The following PKD1L3 variants were observed in gnomAD, a reference collection of about 807,000 sequenced individuals.
PKD1L3 encodes polycystin 1 like 3, transient receptor potential channel interacting, also known as polycystin-1-like protein 3.
Under a neutral mutation model 184.1 loss-of-function variants are expected in PKD1L3, and 239 were observed. The ratio of observed to expected loss-of-function variants is 1.30; its 90% CI spans 1.17 to 1.45. The LOEUF (loss-of-function observed/expected upper bound fraction) is 1.45, where lower values mean the gene tolerates loss of function less well. PKD1L3 is among the 40% of genes most tolerant of loss of function. The pLI is 0.00. For missense variants in PKD1L3, 2,660 were observed against 2,067.2 expected (o/e 1.29, Z -5.56); for synonymous variants, 996 against 778.8 (o/e 1.28, Z -4.64).
At chr16:71,996,773 T>C (rs183362734) in intron 2 of PKD1L3, among the ~76,000 whole-genome samples, 2 of 152,250 alleles carry the variant, frequency 1.3e-5, no homozygotes, top group East Asian at 3.9e-4. Context: ...GTTTGTTTCT[T>C]TTTATTACTG....
At chr16:71,974,140 C>T (rs1047951715) in intron 11 of PKD1L3, among the ~76,000 whole-genome samples, 1 of 152,162 alleles carries the variant, frequency 6.6e-6, no homozygotes, top group East Asian at 1.9e-4. Context: ...ACTAAGGTAA[C>T]AAACCCCAGG....
At position 71,977,126 on chromosome 16, in the gene PKD1L3, T is replaced by A. The variant is rs1033321144; in HGVS notation, c.1759+110A>T. On this transcript the variant is annotated intron_variant, in intron 11 of 29. Transcript: ENST00000620267. ...TACTTAAGAGGCTAAGGCAGGAGGA[T>A]CCCCTGAGCCTGACAGTTTGAGGCT... 3.8e-6 allele frequency: 3 copies of A among 795,890 alleles called. No homozygotes were observed. In the East Asian group the frequency reaches 8.0e-5, roughly 21 times the overall value. The allele number at this position is 795,890 out of a possible 1,614,324, so 49.3% of individuals were successfully genotyped here. A position where few individuals can be genotyped will look rare whatever the true frequency, so the allele number is the denominator to read the frequency against.
In PKD1L3 at chr16:71,977,207, T is replaced by C. The variant is rs766676621; in HGVS notation, c.1759+29A>G. Reference sequence around the variant, plus strand: ...CATCCTAGGCAAAAAGAAATCAAAGTAAGTTTCTGACAGCTGATTGGGTTT... The same window carrying C: ...CATCCTAGGCAAAAAGAAATCAAAGCAAGTTTCTGACAGCTGATTGGGTTT... On this transcript the variant is annotated intron_variant, in intron 11 of 29. Transcript: ENST00000620267. The C allele has an allele frequency of 1.0e-5, 15 of 1,453,020 alleles. No individual in the cohort carries two copies. The Middle Eastern group carries it at 7.0e-4, about 68-fold the overall frequency. 90.0% of individuals were successfully genotyped at this position (1,453,020 alleles called of 1,614,324 possible). A position where few individuals can be genotyped will look rare whatever the true frequency, so the allele number is the denominator to read the frequency against.
chr16:71,968,834 G>T (rs977341282), intron 13 of PKD1L3, among the ~76,000 whole-genome samples: 10 of 152,206 alleles, frequency 6.6e-5, no homozygotes, highest in South Asian at 2.1e-4. Context: ...GACCTCAAGC[G>T]ATCCACCTGC....
chr16:71,959,690 G>T (rs770361534), intron 16 of PKD1L3, among the ~76,000 whole-genome samples: 11 of 152,060 alleles, frequency 7.2e-5, no homozygotes, highest in Admixed American at 2.0e-4. Flanking sequence ...TGGAGAAAAA[G>T]TGTGTTAAAA....
intron 16 of PKD1L3, among the ~76,000 whole-genome samples, chr16:71,956,184 A>ATTTTTTTTTTTTTTTTTTT (rs35268514): frequency 2.4e-5 from 2 of 82,766 alleles, no homozygotes; most frequent in African/African-American, 5.4e-5. Context: ...AAAGGAAGGA[A>ATTTTTTTTTTTTTTTTTTT]TTTTTTTTTT....
At chr16:71,994,640 T>A (rs9932742) in intron 2 of PKD1L3, among the ~76,000 whole-genome samples, 6,302 of 152,196 alleles carry the variant, frequency 0.041, 427 homozygotes, top group African/African-American at 0.14. Flanking sequence ...TTAAAAATTG[T>A]CCAAACTTAT....
intron 24 of PKD1L3, among the ~76,000 whole-genome samples, chr16:71,939,299 T>C (rs1280717194): frequency 3.9e-5 from 6 of 152,160 alleles, no homozygotes; most frequent in Non-Finnish European, 7.4e-5. Context: ...TACCTGGCTG[T>C]CTCTTGGCAG....
intron 16 of PKD1L3, among the ~76,000 whole-genome samples, chr16:71,960,448 A>G (rs1298439203): frequency 6.6e-6 from 1 of 152,170 alleles, no homozygotes; most frequent in Non-Finnish European, 1.5e-5. Flanking sequence ...AACAAACAAT[A>G]GAAATAATAT....
intron 18 of PKD1L3, 91 bp downstream of exon 18, chr16:71,952,803 A>C: frequency 1.5e-6 from 2 of 1,340,360 alleles, no homozygotes; most frequent in Non-Finnish European, 2.0e-6. Context: ...GCACCACTAC[A>C]CTCCAGTCTG....
chr16:71,941,415 A>C (rs2038356456), intron 24 of PKD1L3, among the ~76,000 whole-genome samples: 1 of 152,090 alleles, frequency 6.6e-6, no homozygotes, highest in Admixed American at 6.6e-5. Flanking sequence ...GGAAAACAGA[A>C]GCAAAAATAT....
intron 2 of PKD1L3, among the ~76,000 whole-genome samples, chr16:71,995,299 C>G (rs2143890075): frequency 6.6e-6 from 1 of 152,274 alleles, no homozygotes; most frequent in Non-Finnish European, 1.5e-5. Context: ...TTAATGCGAT[C>G]ACATTGGCAA....
At chr16:71,963,172 T>C in intron 16 of PKD1L3, 33 bp downstream of exon 16, 1 of 1,509,394 alleles carries the variant, frequency 6.6e-7, no homozygotes, top group Non-Finnish European at 8.9e-7. Flanking sequence ...TGAACATCAA[T>C]ATTCACTGTT....
chr16:71,945,248 A>T (rs2038523143), intron 22 of PKD1L3, among the ~76,000 whole-genome samples: 1 of 132,974 alleles, frequency 7.5e-6, no homozygotes, highest in African/African-American at 2.8e-5. Flanking sequence ...GTGAGGCCTA[A>T]GATTCTGAAT....
chr16:71,979,912 T>A lies in PKD1L3; in HGVS notation c.1272A>T (p.Arg424Ser), dbSNP rs1446316357. ...TSANATLLLS[R>S]QNISTLPLSS... ...TCAGCGGTAAAGTTGATATGTTTTG[T>A]CTAATGAGAAAAGTTAAAATGGAAG... The change falls in exon 9 of 30, where the codon AGA (arginine) becomes AGT (serine). Residue 424 changes from arginine to serine, a missense_variant and splice_region_variant. By Grantham distance (110) the Arg-to-Ser change is moderately radical. Coordinates refer to ENST00000620267, the MANE Select transcript of PKD1L3 (RefSeq NM_181536.2). The A allele has an allele frequency of 5.8e-6, 9 of 1,550,714 alleles. No homozygotes were observed. The Admixed American group carries it at 1.2e-4, about 20-fold the overall frequency.
At chr16:71,968,121 G>A (rs2039570142) in intron 13 of PKD1L3, 114 bp from the exon 14 acceptor site, 2 of 787,346 alleles carry the variant, frequency 2.5e-6, no homozygotes. Flanking sequence ...CAGCCCTGCA[G>A]AAAGCAGGGC....
At chr16:71,984,816 G>C (rs369637742) in intron 5 of PKD1L3, among the ~76,000 whole-genome samples, 2 of 152,158 alleles carry the variant, frequency 1.3e-5, no homozygotes, top group African/African-American at 2.4e-5. Context: ...CCGAGATTGC[G>C]CCACTGCACT....
chr16:71,960,338 G>T (rs28654218), intron 16 of PKD1L3, among the ~76,000 whole-genome samples: 8,024 of 152,174 alleles, frequency 0.053, 673 homozygotes, highest in African/African-American at 0.18. Context: ...TGTATTAAAA[G>T]AGATTATTAG....
At chr16:71,989,391 G>A (rs901712250) in intron 4 of PKD1L3, among the ~76,000 whole-genome samples, 1 of 152,212 alleles carries the variant, frequency 6.6e-6, no homozygotes, top group Non-Finnish European at 1.5e-5. Context: ...GACCTCAGGT[G>A]ATCCGCCCGC....
Sources: gnomAD v4.1 joint callset for allele counts (sites outside exome capture counted in the v4.1 genomes callset) on GRCh38, gnomAD v4.1.1 for gene constraint, MANE v1.5 for transcripts, NCBI Gene and HGNC (gene_info 2026-07-23, HGNC 2026-07-21) for gene names.